Variants in PTPRD observed in about 807,000 individuals in gnomAD.
PTPRD encodes the protein receptor-type tyrosine-protein phosphatase delta.
In PTPRD, 34 loss-of-function variants were observed where a neutral mutation model predicts 214.5. The observed-to-expected ratio is 0.16, with a 90% confidence interval of 0.12 to 0.21. The LOEUF (loss-of-function observed/expected upper bound fraction) is 0.21, where lower values mean the gene tolerates loss of function less well. Among genes scored for constraint, PTPRD ranks in the 10% least tolerant of loss-of-function variants. The probability of loss-of-function intolerance (pLI) is 1.00; values close to 1 mark genes in which losing one functional copy is unlikely to be tolerated. For synonymous variants in PTPRD, 1,128 were observed against 845.7 expected, an observed-to-expected ratio of 1.33 and a Z score of -5.79; for missense variants, 2,545 against 2,398.7, an observed-to-expected ratio of 1.06 and a Z score of -1.27.
intron 7 of PTPRD, among the ~76,000 whole-genome samples, chr9:9,711,623 G>T (rs1039915769): frequency 2.0e-5 from 3 of 152,070 alleles, no homozygotes; most frequent in Non-Finnish European, 4.4e-5. Flanking sequence ...TCTCAACAAA[G>T]GGTAAACTTA....
chr9:9,935,694 A>G (rs2089020479), intron 5 of PTPRD, among the ~76,000 whole-genome samples: 1 of 146,310 alleles, frequency 6.8e-6, no homozygotes, highest in Non-Finnish European at 1.5e-5. Flanking sequence ...TCAAGCTACC[A>G]ATGACTTTCT....
chr9:8,445,822 C>T (rs1247145821), intron 34 of PTPRD, among the ~76,000 whole-genome samples: 1 of 152,114 alleles, frequency 6.6e-6, no homozygotes, highest in African/African-American at 2.4e-5. Flanking sequence ...ATTCTTTTTT[C>T]ACTCATCTTA....
At chr9:9,815,945 G>A (rs1400116299) in intron 5 of PTPRD, among the ~76,000 whole-genome samples, 1 of 152,112 alleles carries the variant, frequency 6.6e-6, no homozygotes, top group Non-Finnish European at 1.5e-5. Flanking sequence ...GCTATGTGAG[G>A]TGAACTTTTT....
At chr9:10,445,461 A>C (rs1002130822) in intron 2 of PTPRD, among the ~76,000 whole-genome samples, 1 of 152,148 alleles carries the variant, frequency 6.6e-6, no homozygotes, top group Admixed American at 6.6e-5. Flanking sequence ...CAGAAATGAA[A>C]AGAAAGGAAC....
chr9:9,506,208 C>A (rs2096566644), intron 8 of PTPRD, among the ~76,000 whole-genome samples: 1 of 151,320 alleles, frequency 6.6e-6, no homozygotes, highest in Admixed American at 6.6e-5. Context: ...ACCTATATAA[C>A]TGTCTCCATG....
chr9:9,121,738 T>C (rs1470325564), intron 10 of PTPRD, among the ~76,000 whole-genome samples: 1 of 152,104 alleles, frequency 6.6e-6, no homozygotes, highest in African/African-American at 2.4e-5. Context: ...GCTCAGGTGA[T>C]GGGTGCATCA....
chr9:8,570,576 C>A (rs1208743834), intron 14 of PTPRD, among the ~76,000 whole-genome samples: 1 of 151,762 alleles, frequency 6.6e-6, no homozygotes, highest in Non-Finnish European at 1.5e-5. Context: ...TTTTTTTTTA[C>A]ACCAATGACT....
intron 44 of PTPRD, among the ~76,000 whole-genome samples, chr9:8,328,159 T>C (rs996258541): frequency 1.3e-5 from 2 of 152,164 alleles, no homozygotes; most frequent in African/African-American, 4.8e-5. Context: ...CTGGTACCAG[T>C]TGTTCCTTTC....
chr9:10,583,710 C>T (rs892669751), intron 2 of PTPRD, among the ~76,000 whole-genome samples: 2 of 151,968 alleles, frequency 1.3e-5, no homozygotes, highest in African/African-American at 2.4e-5. Context: ...GATCTCCTGA[C>T]CTCGTGATGC....
At chr9:9,696,169 C>T (rs1356493050) in intron 7 of PTPRD, among the ~76,000 whole-genome samples, 2 of 152,164 alleles carry the variant, frequency 1.3e-5, no homozygotes, top group East Asian at 1.9e-4. Context: ...ATAAAAGGTA[C>T]TTGATCTAAT....
At chr9:9,268,863 T>A (rs1941461908) in intron 9 of PTPRD, among the ~76,000 whole-genome samples, 2 of 145,498 alleles carry the variant, frequency 1.4e-5, no homozygotes, top group Non-Finnish European at 3.0e-5. Context: ...AAAACTCAAC[T>A]CAAAATGGAT....
At chr9:10,304,536 C>T (rs912664482) in intron 3 of PTPRD, among the ~76,000 whole-genome samples, 6 of 152,124 alleles carry the variant, frequency 3.9e-5, no homozygotes, top group Admixed American at 3.9e-4. Context: ...CCTATATCTC[C>T]TTAAGCTGAT....
intron 5 of PTPRD, among the ~76,000 whole-genome samples, chr9:9,859,412 C>T (rs1430662104): frequency 6.6e-6 from 1 of 152,120 alleles, no homozygotes; most frequent in Non-Finnish European, 1.5e-5. Flanking sequence ...ATGCCTTGGT[C>T]AACCAATAAT....
intron 8 of PTPRD, among the ~76,000 whole-genome samples, chr9:9,455,757 G>C (rs2092902057): frequency 6.6e-6 from 1 of 151,570 alleles, no homozygotes; most frequent in Admixed American, 6.6e-5. Context: ...AACTCTTTTT[G>C]ACTTCAATAT....
chr9:8,600,255 G>C (rs1321189500), intron 14 of PTPRD, among the ~76,000 whole-genome samples: 2 of 152,204 alleles, frequency 1.3e-5, no homozygotes, highest in Non-Finnish European at 1.5e-5. Context: ...CCAGCAGTCA[G>C]AGCTTGAGTT....
intron 2 of PTPRD, among the ~76,000 whole-genome samples, chr9:10,469,380 G>A (rs1341767385): frequency 6.6e-6 from 1 of 152,010 alleles, no homozygotes; most frequent in African/African-American, 2.4e-5. Context: ...TATAAAACAG[G>A]ACATAAGCGT....
chr9:8,576,640 A>AAAAG (rs1161018399), intron 14 of PTPRD, among the ~76,000 whole-genome samples: 2 of 151,860 alleles, frequency 1.3e-5, no homozygotes, highest in East Asian at 3.9e-4. Flanking sequence ...GCAAAAAAAA[A>AAAAG]AAAAAAAAAA....
At chr9:9,333,470 A>G (rs986510006) in intron 9 of PTPRD, among the ~76,000 whole-genome samples, 2 of 139,736 alleles carry the variant, frequency 1.4e-5, no homozygotes, top group African/African-American at 2.8e-5. Flanking sequence ...AATGATATAT[A>G]AATATATATA....
rs1358566112 is a variant in PTPRD, at chr9:10,303,485, T to C, written c.-545+37478A>G. ...AAATTAATCCAGGAGCTGTTTTTTA[T>C]AAAAGATCAACAAAATAGATAGACC... is the stretch of plus-strand genomic sequence containing the variant. On this transcript the variant is annotated intron_variant, in intron 3 of 45. Transcript: ENST00000381196. Among the ~76,000 whole-genome samples, 4 of 151,706 alleles carry C rather than the reference T, an allele frequency of 2.6e-5. No homozygotes were observed. The South Asian group carries it at 6.2e-4, about 24-fold the overall frequency.
Sources: allele counts gnomAD v4.1 joint callset (sites outside exome capture counted in the v4.1 genomes callset), GRCh38; gene constraint gnomAD v4.1.1; transcripts MANE v1.5; gene names NCBI Gene and HGNC (gene_info 2026-07-23, HGNC 2026-07-21).